The following ACTR3 variants were observed in gnomAD, a reference collection of about 807,000 sequenced individuals.
The protein encoded by ACTR3 is actin-related protein 3.
Under a neutral mutation model 56.8 loss-of-function variants are expected in ACTR3, and 12 were observed. That is an observed-to-expected ratio of 0.21 (90% CI 0.14 to 0.34). The LOEUF (loss-of-function observed/expected upper bound fraction) is 0.34. Among genes scored for constraint, ACTR3 ranks in the 10% least tolerant of loss-of-function variants. ACTR3 has a pLI of 1.00. For synonymous variants in ACTR3, 162 were observed against 167.4 expected, an observed-to-expected ratio of 0.97 and a Z score of 0.25; for missense variants, 282 against 512.5, an observed-to-expected ratio of 0.55 and a Z score of 4.34.
At chr2:113,946,303 CT>C in intron 8 of ACTR3, among the ~76,000 whole-genome samples, 1 of 149,634 alleles carries the variant, frequency 6.7e-6, no homozygotes, top group South Asian at 2.1e-4. Context: ...CTTTTTTTTT[CT>C]TTTTAAATTG....
intron 1 of ACTR3, among the ~76,000 whole-genome samples, chr2:113,892,735 T>C (rs1678929547): frequency 6.6e-6 from 1 of 152,232 alleles, no homozygotes; most frequent in Non-Finnish European, 1.5e-5. Context: ...CTGAGGTCTC[T>C]AAATTACAAT....
chr2:113,934,500 C>A, intron 6 of ACTR3, 114 bp downstream of exon 6: 1 of 627,248 alleles, frequency 1.6e-6, no homozygotes, highest in Non-Finnish European at 2.6e-6. Context: ...TATAATTTGG[C>A]CATTTGTCCA....
intron 1 of ACTR3, among the ~76,000 whole-genome samples, chr2:113,901,026 T>C (rs1679089136): frequency 6.6e-6 from 1 of 152,218 alleles, no homozygotes; most frequent in Non-Finnish European, 1.5e-5. Flanking sequence ...CATTCTTGTT[T>C]TAAAAGTTTC....
chr2:113,922,396 A>G (rs1474208635), intron 3 of ACTR3, among the ~76,000 whole-genome samples: 1 of 152,250 alleles, frequency 6.6e-6, no homozygotes, highest in Non-Finnish European at 1.5e-5. Flanking sequence ...GTAAATGAGA[A>G]AAAAGGCTAA....
In ACTR3 at chr2:113,912,087, G is replaced by A. The variant is rs550308930; in HGVS notation, c.45-1085G>A. ...GAGGGTGTTTCACCGTGTTGGTCAG[G>A]CTGGTCTTGAACTCCTGACCTCAGG... On this transcript the variant is annotated intron_variant, in intron 1 of 11. Coordinates refer to ENST00000263238, the MANE Select transcript of ACTR3 (RefSeq NM_005721.5). 2.0e-5 allele frequency among the ~76,000 whole-genome samples: 3 copies of A among 152,230 alleles called. No homozygotes were observed. In the South Asian group the frequency reaches 6.2e-4, roughly 32 times the overall value.
In ACTR3 at chr2:113,908,344, G is replaced by C. The variant is rs1032624107; in HGVS notation, c.45-4828G>C. Among the ~76,000 whole-genome samples the C allele has an allele frequency of 4.0e-5, 6 of 150,424 alleles. No individual in the cohort carries two copies. In the Middle Eastern group the frequency reaches 0.014, roughly 346 times the overall value. On this transcript the variant is annotated intron_variant, in intron 1 of 11. Coordinates refer to ENST00000263238, the MANE Select transcript of ACTR3 (RefSeq NM_005721.5). ...CTTTATGGTGACTATCGAATTTTTA[G>C]AGTTCATAAAAATATCTTAAGGATA...
intron 1 of ACTR3, among the ~76,000 whole-genome samples, chr2:113,911,385 C>T (rs1395756127): frequency 6.7e-6 from 1 of 148,420 alleles, no homozygotes; most frequent in Non-Finnish European, 1.5e-5. Context: ...TATGGTTTCC[C>T]CTTATTTTTA....
chr2:113,921,080 C>T (rs1679497871), intron 3 of ACTR3, among the ~76,000 whole-genome samples: 1 of 152,144 alleles, frequency 6.6e-6, no homozygotes, highest in Admixed American at 6.5e-5. Flanking sequence ...TTAACATTCC[C>T]TCCACAGTAT....
Position 113,961,242 on chromosome 2 carries a change from G to A in ACTR3, c.*3787G>A, listed in dbSNP as rs1043413836. 6.6e-5 allele frequency: 10 copies of A among 151,902 alleles called. No homozygotes were observed. Among genetic ancestry groups the A allele is most frequent in the East Asian group, 3.9e-4 (2 of 5,190 alleles). The allele number at this position is 151,902 out of a possible 1,614,324, so 9.4% of individuals were successfully genotyped here. ...CTTAACAAAAATAAAATCTGTGGTC[G>A]TCTGAGGTATTCTCCATGCTATAAC... On this transcript the variant is annotated 3_prime_UTR_variant, in exon 12 of 12. Transcript: ENST00000263238.
At chr2:113,902,963 T>A (rs954125303) in intron 1 of ACTR3, among the ~76,000 whole-genome samples, 3 of 152,260 alleles carry the variant, frequency 2.0e-5, no homozygotes, top group Non-Finnish European at 4.4e-5. Context: ...CTAATTAATG[T>A]ATTTGTTACC....
At chr2:113,953,074 A>T (rs762880330) in intron 10 of ACTR3, 3 of 152,170 alleles carry the variant, frequency 2.0e-5, no homozygotes, top group African/African-American at 7.2e-5. Flanking sequence ...TCCTAATGGT[A>T]TGGTTATGGA....
In ACTR3 at chr2:113,951,836, T is replaced by C; in HGVS notation, c.1068T>C (p.Gly356=). 1 of 1,613,172 alleles carries C rather than the reference T, an allele frequency of 6.2e-7. No homozygotes were observed. Among genetic ancestry groups the C allele is most frequent in the Non-Finnish European group, 8.5e-7 (1 of 1,179,316 alleles). Residue 356 remains glycine, a synonymous_variant, in exon 10 of 12, where the codon GGT becomes GGC. Transcript: ENST00000263238. ...AATTAAGTGAGGAATTGAGTGGTGG[T>C]AGATTGAAGGTTGGTTTTCCCAATT... is the stretch of plus-strand genomic sequence containing the variant. ...RLKLSEELSG[G]RLKPKPIDVQ...
Position 113,951,508 on chromosome 2 carries a change from C to G in ACTR3, c.888C>G (p.Ile296Met). The change falls in exon 9 of 12, where the codon ATC becomes ATG. Residue 296 changes from isoleucine (I) to methionine (M), a missense_variant. By Grantham distance (10) the Ile-to-Met change is conservative. Transcript: ENST00000263238. ...EFANPDFTQP[I>M]SEVVDEVIQN... The stretch of plus-strand genomic sequence containing the variant: ...CTAATCCAGACTTTACACAACCTAT[C>G]TCAGAAGTTGTAGATGAAGTAATTC... The G allele has an allele frequency of 6.2e-7, 1 of 1,612,672 alleles. No homozygotes were observed. The highest frequency in any genetic ancestry group is 1.1e-5 in the South Asian group (1 of 91,042).
rs946353506 is a variant in ACTR3 at position 113,958,393 on chromosome 2, A to T, written c.*938A>T. ...AATGTGCTCAATACAAATACTTGTG[A>T]ACTTTTAATATGTTGAGTGCTTTCA... On this transcript the variant is annotated 3_prime_UTR_variant, in exon 12 of 12. Coordinates refer to ENST00000263238, the MANE Select transcript of ACTR3 (RefSeq NM_005721.5). 6.6e-6 allele frequency: 1 copy of T among 152,558 alleles called. No homozygotes were observed. Among genetic ancestry groups the T allele is most frequent in the African/African-American group, 2.4e-5 (1 of 41,454 alleles). The allele number at this position is 152,558 out of a possible 1,614,324, so 9.5% of individuals were successfully genotyped here.
At position 113,890,227 on chromosome 2, in the gene ACTR3, C is replaced by T. The variant is rs1678857374; in HGVS notation, c.-53C>T. ...TTGTCTCCCGCCGCCAATCTCTGGC[C>T]CCTAGCAGCACGGAGCAGACGGCGG... On this transcript the variant is annotated 5_prime_UTR_variant, in exon 1 of 12. Transcript: ENST00000263238. The T allele has an allele frequency of 5.8e-6, 9 of 1,550,594 alleles. No homozygotes were observed. The highest frequency in any genetic ancestry group is 2.4e-5 in the South Asian group (2 of 84,036).
chr2:113,914,740 G>C (rs1021223595), intron 2 of ACTR3, among the ~76,000 whole-genome samples: 10 of 151,752 alleles, frequency 6.6e-5, no homozygotes, highest in African/African-American at 2.4e-5. Flanking sequence ...TATTTGACTT[G>C]TGTGTTTCTC....
rs908845902 is a variant in ACTR3 at position 113,958,712 on chromosome 2, T to C, written c.*1257T>C. 2.0e-5 allele frequency: 3 copies of C among 151,992 alleles called. No individual in the cohort carries two copies. Among genetic ancestry groups the C allele is most frequent in the Non-Finnish European group, 4.4e-5 (3 of 67,928 alleles). The allele number at this position is 151,992 out of a possible 1,614,324, so 9.4% of individuals were successfully genotyped here. A position where few individuals can be genotyped will look rare whatever the true frequency, so the allele number is the denominator to read the frequency against. On this transcript the variant is annotated 3_prime_UTR_variant, in exon 12 of 12. Transcript: ENST00000263238. ...TCTGTAATGTGTATGGTAGAAAATTTCTTGTGACCTTAAAATTTTACCAGT... is the reference window on the plus strand; with the variant it reads ...TCTGTAATGTGTATGGTAGAAAATTCCTTGTGACCTTAAAATTTTACCAGT...
At chr2:113,953,770 T>C (rs1415625132) in intron 10 of ACTR3, 1 of 152,218 alleles carries the variant, frequency 6.6e-6, no homozygotes, top group Non-Finnish European at 1.5e-5. Context: ...CAAGAACATA[T>C]TACAATTATC....
chr2:113,932,914 C>T (rs1490175973), intron 5 of ACTR3, among the ~76,000 whole-genome samples: 1 of 151,968 alleles, frequency 6.6e-6, no homozygotes, highest in Non-Finnish European at 1.5e-5. Context: ...TTCTAGGTCC[C>T]TTTTAGCTAT....
Sources: allele counts gnomAD v4.1 joint callset (sites outside exome capture counted in the v4.1 genomes callset), GRCh38; gene constraint gnomAD v4.1.1; transcripts MANE v1.5; gene names NCBI Gene and HGNC (gene_info 2026-07-23, HGNC 2026-07-21).